The following PRPSAP1 variants were observed in gnomAD, a reference collection of about 807,000 sequenced individuals.
The protein encoded by PRPSAP1 is phosphoribosyl pyrophosphate synthase-associated protein 1.
A neutral mutation model predicts 39.4 loss-of-function variants in PRPSAP1; 31 were observed. The observed-to-expected ratio is 0.79, with a 90% CI of 0.59 to 1.06. The LOEUF (loss-of-function observed/expected upper bound fraction) is 1.06, where lower values mean the gene tolerates loss of function less well. Among genes scored for constraint, PRPSAP1 ranks in the 50% least tolerant of loss-of-function variants. The probability of loss-of-function intolerance (pLI) is 0.00; values close to 1 mark genes in which losing one functional copy is unlikely to be tolerated. For missense variants in PRPSAP1, 430 were observed against 511.6 expected, an observed-to-expected ratio of 0.84 and a Z score of 1.54; for synonymous variants, 212 against 192.6, an observed-to-expected ratio of 1.10 and a Z score of -0.83.
At chr17:76,335,556 A>C (rs1420565806) in intron 3 of PRPSAP1, among the ~76,000 whole-genome samples, 1 of 151,664 alleles carries the variant, frequency 6.6e-6, no homozygotes, top group Non-Finnish European at 1.5e-5. Flanking sequence ...GGGTTTCACC[A>C]TGTTGGCCAG....
At chr17:76,351,730 G>A (rs572281110) in intron 1 of PRPSAP1, among the ~76,000 whole-genome samples, 13 of 152,212 alleles carry the variant, frequency 8.5e-5, no homozygotes, top group South Asian at 4.1e-4. Context: ...TGAGCGACAA[G>A]TAAAACAGGT....
Position 76,314,005 on chromosome 17 carries a change from A to C in PRPSAP1, c.782-114T>G, listed in dbSNP as rs190165186. The C allele has an allele frequency of 1.8e-4, 197 of 1,100,258 alleles. 2 individuals carry two copies. The East Asian group carries it at 2.6e-3, about 14-fold the overall frequency. 68.2% of individuals were successfully genotyped at this position (1,100,258 alleles called of 1,614,324 possible). On this transcript the variant is annotated intron_variant, in intron 7 of 9. Coordinates refer to ENST00000446526, the MANE Select transcript of PRPSAP1 (RefSeq NM_002766.3). ...CAAAACCACTATACAGACAAAAAAC[A>C]AACAAACCATGCAAATTCCCCCTCA...
chr17:76,321,530 C>T (rs1485339854), intron 7 of PRPSAP1, among the ~76,000 whole-genome samples: 1 of 150,702 alleles, frequency 6.6e-6, no homozygotes, highest in Non-Finnish European at 1.5e-5. Flanking sequence ...CACACACGCA[C>T]AAAAAAAAAG....
chr17:76,339,578 CT>C (rs1045525654), intron 3 of PRPSAP1, among the ~76,000 whole-genome samples: 24 of 151,644 alleles, frequency 1.6e-4, no homozygotes, highest in Admixed American at 5.2e-4. Flanking sequence ...GATATTTTTG[CT>C]TTGATGCTCT....
In PRPSAP1 at chr17:76,353,750, C is replaced by G. The variant is rs772445671; in HGVS notation, c.-47G>C. ...ACGACCGGCCCCGCGCGGGGCTGCA[C>G]TCTGAGTGCTTCCGACTGCGAGACC... On this transcript the variant is annotated 5_prime_UTR_variant, in exon 1 of 10. Coordinates refer to ENST00000446526, the MANE Select transcript of PRPSAP1 (RefSeq NM_002766.3). The G allele has an allele frequency of 8.5e-6, 12 of 1,407,238 alleles. No individual in the cohort carries two copies. Among genetic ancestry groups the G allele is most frequent in the Middle Eastern group, 2.6e-4 (1 of 3,812 alleles). The allele number at this position is 1,407,238 out of a possible 1,614,324, so 87.2% of individuals were successfully genotyped here.
rs747514699 is a variant in PRPSAP1, at chr17:76,320,287, AAAG to A, written c.782-6399_782-6397del. On this transcript the variant is annotated intron_variant, in intron 7 of 9. Coordinates refer to ENST00000446526, the MANE Select transcript of PRPSAP1 (RefSeq NM_002766.3). The stretch of plus-strand genomic sequence containing the variant: ...AAGAAAAGAAAGAAAGAAAGAAAAG[AAAG>A]AAAGAAAGAAAAGAAAGGAAGGGAG... Among the ~76,000 whole-genome samples the A allele has an allele frequency of 1.3e-3, 79 of 61,202 alleles. 2 individuals carry two copies. Among genetic ancestry groups the A allele is most frequent in the Admixed American group, 3.0e-3 (17 of 5,726 alleles). 40.2% of individuals were successfully genotyped at this position (61,202 alleles called of 152,430 possible).
rs1453788064 is a variant in PRPSAP1 at position 76,353,615 on chromosome 17, A to C, written c.89T>G (p.Met30Arg). 1.3e-6 allele frequency: 2 copies of C among 1,555,272 alleles called. No individual in the cohort carries two copies. Among genetic ancestry groups the C allele is most frequent in the Non-Finnish European group, 1.7e-6 (2 of 1,156,002 alleles). ...PRARPVPPPA[M>R]NAARTGYRVF... ...TCGGTAGCCGGTGCGAGCGGCGTTC[A>C]TGGCCGGCGGGGGAACGGGGCGGGC... Residue 30 changes from methionine to arginine, a missense_variant, in exon 1 of 10, where the codon ATG becomes AGG. Coordinates refer to ENST00000446526, the MANE Select transcript of PRPSAP1 (RefSeq NM_002766.3).
rs887907652 is a variant in PRPSAP1, at chr17:76,353,876, G to A, written c.-173C>T. 79 of 1,320,926 alleles carry A rather than the reference G, an allele frequency of 6.0e-5. No homozygotes were observed. The East Asian group carries it at 2.3e-3, about 39-fold the overall frequency. 81.8% of individuals were successfully genotyped at this position (1,320,926 alleles called of 1,614,324 possible). A position where few individuals can be genotyped will look rare whatever the true frequency, so the allele number is the denominator to read the frequency against. ...CCACACCACTGACTACAGCGGCCGA[G>A]CCTTCGCAGCGCCCGGCGCCGCCGC... On this transcript the variant is annotated 5_prime_UTR_variant, in exon 1 of 10. Coordinates refer to ENST00000446526, the MANE Select transcript of PRPSAP1 (RefSeq NM_002766.3).
intron 3 of PRPSAP1, among the ~76,000 whole-genome samples, chr17:76,336,190 T>C (rs117566571): frequency 0.026 from 4,023 of 152,202 alleles, 84 homozygotes; most frequent in South Asian, 0.039. Flanking sequence ...CTCACGCCAG[T>C]AATCCGAGAG....
intron 7 of PRPSAP1, 171 bp from the exon 8 acceptor site, chr17:76,314,062 T>C (rs2143448796): frequency 1.7e-5 from 11 of 655,520 alleles, no homozygotes; most frequent in South Asian, 1.1e-4. Context: ...AACAGCAGCA[T>C]TGGCCAAAAG....
intron 3 of PRPSAP1, among the ~76,000 whole-genome samples, chr17:76,337,704 C>T (rs1451295780): frequency 3.3e-5 from 5 of 152,204 alleles, no homozygotes; most frequent in African/African-American, 1.2e-4. Flanking sequence ...CTTCCGGGTT[C>T]AATCGATTCT....
intron 6 of PRPSAP1, 32 bp downstream of exon 6, chr17:76,330,011 G>C (rs369620317): frequency 1.1e-5 from 18 of 1,600,820 alleles, no homozygotes; most frequent in Middle Eastern, 1.7e-4. Flanking sequence ...GAGCACTCAG[G>C]AGGGATCAGG....
chr17:76,342,024 T>C (rs8066456), intron 3 of PRPSAP1, among the ~76,000 whole-genome samples: 45,387 of 151,848 alleles, frequency 0.3, 9,927 homozygotes, highest in African/African-American at 0.63. Context: ...ACCAAAACTG[T>C]TGGAGAAAAT....
intron 7 of PRPSAP1, among the ~76,000 whole-genome samples, chr17:76,315,046 G>A (rs1842448885): frequency 6.6e-6 from 1 of 152,202 alleles, no homozygotes; most frequent in African/African-American, 2.4e-5. Flanking sequence ...GACATAATCA[G>A]AGTTTCCTCA....
chr17:76,347,106 G>A (rs927372334), intron 2 of PRPSAP1, among the ~76,000 whole-genome samples: 1 of 151,920 alleles, frequency 6.6e-6, no homozygotes, highest in Non-Finnish European at 1.5e-5. Context: ...TCCAGAACGA[G>A]CAGCGCAGAA....
intron 3 of PRPSAP1, 66 bp downstream of exon 3, chr17:76,344,605 G>A: frequency 7.8e-7 from 1 of 1,289,448 alleles, no homozygotes; most frequent in Non-Finnish European, 1.1e-6. Flanking sequence ...TTGTTCATAT[G>A]AAAAGATAAT....
At chr17:76,338,296 G>A (rs1374318258) in intron 3 of PRPSAP1, among the ~76,000 whole-genome samples, 3 of 152,172 alleles carry the variant, frequency 2.0e-5, no homozygotes, top group Non-Finnish European at 4.4e-5. Flanking sequence ...TAATGTCTAA[G>A]CTTTGGTCTG....
At chr17:76,344,799 G>A in intron 2 of PRPSAP1, 62 bp from the exon 3 acceptor site, 1 of 1,355,494 alleles carries the variant, frequency 7.4e-7, no homozygotes, top group South Asian at 1.3e-5. Context: ...GGAGAAAAAA[G>A]AAAAACAAAA....
At chr17:76,341,234 G>GTTTTTTTT (rs5822126) in intron 3 of PRPSAP1, among the ~76,000 whole-genome samples, 1 of 119,976 alleles carries the variant, frequency 8.3e-6, no homozygotes, top group African/African-American at 3.0e-5. Context: ...ACTTTTTTTT[G>GTTTTTTTT]TTTTTTTTTT....
Sources: allele counts gnomAD v4.1 joint callset (sites outside exome capture counted in the v4.1 genomes callset), GRCh38; gene constraint gnomAD v4.1.1; transcripts MANE v1.5; gene names NCBI Gene and HGNC (gene_info 2026-07-23, HGNC 2026-07-21).